Variants in PLCG2 observed in about 807,000 individuals in gnomAD.
The protein encoded by PLCG2 is 1-phosphatidylinositol 4,5-bisphosphate phosphodiesterase gamma-2.
PLCG2 carries 69 observed loss-of-function variants against 175.6 expected under a neutral mutation model. The ratio of observed to expected loss-of-function variants is 0.39; its 90% confidence interval spans 0.32 to 0.48. The LOEUF (loss-of-function observed/expected upper bound fraction) is 0.48, where lower values mean the gene tolerates loss of function less well. Ranked by LOEUF, PLCG2 falls within the 20% of genes least tolerant of loss-of-function variation. The pLI is 0.91. For missense variants in PLCG2, 1,798 were observed against 1,650.9 expected (o/e 1.09, Z -1.54); for synonymous variants, 827 against 624.0 (o/e 1.33, Z -4.85).
intron 2 of PLCG2, 127 bp from the exon 3 acceptor site, chr16:81,854,317 A>T: frequency 1.2e-6 from 1 of 827,166 alleles, no homozygotes; most frequent in Non-Finnish European, 2.0e-6. Flanking sequence ...CCAGACGCAG[A>T]GATAGCTTTG....
At chr16:81,940,457 T>TG (rs144704755) in intron 30 of PLCG2, among the ~76,000 whole-genome samples, 10,239 of 151,596 alleles carry the variant, frequency 0.068, 514 homozygotes, top group African/African-American at 0.14. Context: ...TTTGGCATCT[T>TG]GGGGGGGGAG....
chr16:81,902,596 G>C (rs1466755208), intron 14 of PLCG2, among the ~76,000 whole-genome samples: 1 of 151,592 alleles, frequency 6.6e-6, no homozygotes, highest in Non-Finnish European at 1.5e-5. Context: ...CCCATTCACT[G>C]GAGCTCTACT....
chr16:81,789,475 G>A (rs1052809466), intron 2 of PLCG2, among the ~76,000 whole-genome samples: 1 of 152,208 alleles, frequency 6.6e-6, no homozygotes, highest in African/African-American at 2.4e-5. Context: ...CTTTTGTGTA[G>A]ATAGGGTCTT....
At chr16:81,886,613 G>C (rs1908379245) in intron 9 of PLCG2, among the ~76,000 whole-genome samples, 1 of 152,206 alleles carries the variant, frequency 6.6e-6, no homozygotes, top group Non-Finnish European at 1.5e-5. Context: ...CTCTGGGATG[G>C]ATGGGTGATG....
intron 2 of PLCG2, among the ~76,000 whole-genome samples, chr16:81,803,037 T>C (rs555441335): frequency 9.3e-4 from 142 of 152,184 alleles, no homozygotes; most frequent in African/African-American, 3.1e-3. Flanking sequence ...TCCCTGGCAA[T>C]GACAAATCTA....
rs7199820 is a variant in PLCG2 at position 81,895,580 on chromosome 16, A to G, written c.1073-227A>G. The stretch of plus-strand genomic sequence containing the variant: ...GTCTTAAAAAAAAAAAAAATGAAAA[A>G]AAAAGCAGCATTGAAACTAGCTTGT... On this transcript the variant is annotated intron_variant, in intron 12 of 32. Coordinates refer to ENST00000564138, the MANE Select transcript of PLCG2 (RefSeq NM_002661.5). 166,568 of 462,294 alleles carry G rather than the reference A, an allele frequency of 0.36. 35,133 individuals are homozygous for G. The highest frequency in any genetic ancestry group is 0.7 in the East Asian group (19,501 of 27,866). 28.6% of individuals were successfully genotyped at this position (462,294 alleles called of 1,614,324 possible).
At chr16:81,784,107 C>T (rs11642139) in intron 1 of PLCG2, among the ~76,000 whole-genome samples, 63,024 of 151,900 alleles carry the variant, frequency 0.41, 13,324 homozygotes, top group South Asian at 0.63. Flanking sequence ...TCCCCATGGG[C>T]AGAGAGCAGG....
At chr16:81,915,700 T>G (rs761189375) in intron 19 of PLCG2, among the ~76,000 whole-genome samples, 31 of 152,316 alleles carry the variant, frequency 2.0e-4, no homozygotes, top group Non-Finnish European at 3.2e-4. Context: ...GGATCCCCGA[T>G]GCTGTGGATC....
At chr16:81,766,825 A>C (rs1910161166) in intron 2 of PLCG2, 2 of 152,202 alleles carry the variant, frequency 1.3e-5, no homozygotes, top group Non-Finnish European at 2.9e-5. Context: ...AATGACTTCA[A>C]CTGGTCTTGA....
intron 2 of PLCG2, among the ~76,000 whole-genome samples, chr16:81,764,789 G>T (rs1309906640): frequency 1.3e-5 from 2 of 152,108 alleles, no homozygotes; most frequent in South Asian, 2.1e-4. Context: ...CTGCATTAGG[G>T]TACATCCTAA....
intron 2 of PLCG2, among the ~76,000 whole-genome samples, chr16:81,790,677 C>T (rs944115445): frequency 6.6e-6 from 1 of 152,290 alleles, no homozygotes; most frequent in East Asian, 1.9e-4. Flanking sequence ...GACTTTTGGA[C>T]AGGTGTTACA....
intron 9 of PLCG2, among the ~76,000 whole-genome samples, chr16:81,883,753 C>T (rs1038414062): frequency 2.6e-5 from 4 of 152,204 alleles, no homozygotes; most frequent in Admixed American, 2.6e-4. Context: ...ATTCATCAAG[C>T]CTGCCAGGTC....
intron 1 of PLCG2, among the ~76,000 whole-genome samples, chr16:81,781,865 T>TCCCCCCCC (rs11355840): frequency 5.4e-5 from 2 of 36,698 alleles, no homozygotes; most frequent in Admixed American, 3.4e-4. Flanking sequence ...TCATGTCCTT[T>TCCCCCCCC]CCCCCCCCCC....
chr16:81,912,654 C>T lies in PLCG2; in HGVS notation c.1992C>T (p.Pro664=), dbSNP rs1442427250. 2 of 1,613,138 alleles carry T rather than the reference C, an allele frequency of 1.2e-6. No individual in the cohort carries two copies. Among genetic ancestry groups the T allele is most frequent in the Admixed American group, 1.7e-5 (1 of 59,900 alleles). Residue 664 remains proline (P), a synonymous_variant, in exon 19 of 33, where the codon CCC becomes CCT. Transcript: ENST00000564138. The stretch of plus-strand genomic sequence containing the variant: ...CAGAGGACATGCTGATGAGGATTCC[C>T]CGGGACGGGGCCTTCCTGATCCGGA... The part of the protein sequence containing the change: ...GEAEDMLMRI[P]RDGAFLIRKR...
At chr16:81,805,771 T>TGG (rs749338674) in intron 2 of PLCG2, among the ~76,000 whole-genome samples, 4 of 87,878 alleles carry the variant, frequency 4.6e-5, no homozygotes, top group Non-Finnish European at 9.1e-5. Context: ...TGTTTTGTTT[T>TGG]TTTTTTTTTT....
At chr16:81,935,539 C>A in intron 26 of PLCG2, 2 of 985,314 alleles carry the variant, frequency 2.0e-6, no homozygotes, top group Non-Finnish European at 2.4e-6. Flanking sequence ...CATCTTAGAA[C>A]AGAAGACCAG....
At chr16:81,781,865 T>TCCCC (rs11355840) in intron 1 of PLCG2, among the ~76,000 whole-genome samples, 95 of 36,686 alleles carry the variant, frequency 2.6e-3, no homozygotes, top group Middle Eastern at 9.6e-3. Flanking sequence ...TCATGTCCTT[T>TCCCC]CCCCCCCCCC....
chr16:81,854,991 C>T (rs1283512681), intron 3 of PLCG2, among the ~76,000 whole-genome samples: 1 of 152,158 alleles, frequency 6.6e-6, no homozygotes, highest in Middle Eastern at 3.4e-3. Flanking sequence ...GGGCAGATCA[C>T]TTGAGGTCAG....
chr16:81,798,698 A>G (rs959468512), intron 2 of PLCG2: 1 of 152,320 alleles, frequency 6.6e-6, no homozygotes, highest in African/African-American at 2.4e-5. Flanking sequence ...TTGAGAAAGA[A>G]GGAAATGGGA....
Sources: gnomAD v4.1 joint callset for allele counts (sites outside exome capture counted in the v4.1 genomes callset) on GRCh38, gnomAD v4.1.1 for gene constraint, MANE v1.5 for transcripts, NCBI Gene and HGNC (gene_info 2026-07-23, HGNC 2026-07-21) for gene names.